Variants in CADM2 observed in about 807,000 individuals in gnomAD.
CADM2 encodes cell adhesion molecule 2.
CADM2 carries 12 observed loss-of-function variants against 49.8 expected under a neutral mutation model. The ratio of observed to expected loss-of-function variants is 0.24; its 90% CI spans 0.15 to 0.39. The LOEUF (loss-of-function observed/expected upper bound fraction) is 0.39, where lower values mean the gene tolerates loss of function less well. Among genes scored for constraint, CADM2 ranks in the 10% least tolerant of loss-of-function variants. CADM2 has a pLI of 1.00. For missense variants in CADM2, 378 were observed against 492.3 expected (o/e 0.77, Z 2.20); for synonymous variants, 214 against 175.4 (o/e 1.22, Z -1.74).
intron 2 of CADM2, among the ~76,000 whole-genome samples, chr3:85,732,968 T>C (rs2067994303): frequency 6.6e-6 from 1 of 152,210 alleles, no homozygotes; most frequent in Non-Finnish European, 1.5e-5. Flanking sequence ...CATTTACATA[T>C]ATACCACCCA....
chr3:85,999,976 G>C (rs572285367), intron 8 of CADM2, among the ~76,000 whole-genome samples: 2 of 152,278 alleles, frequency 1.3e-5, no homozygotes, highest in South Asian at 4.1e-4. Flanking sequence ...GGAGAAAAAA[G>C]AGATGTTGAA....
At chr3:86,007,025 G>T (rs1276525388) in intron 8 of CADM2, among the ~76,000 whole-genome samples, 1 of 152,160 alleles carries the variant, frequency 6.6e-6, no homozygotes, top group Non-Finnish European at 1.5e-5. Context: ...GGGTGACAGA[G>T]TGAGACTCCA....
At chr3:85,151,354 G>A (rs1454604201) in intron 1 of CADM2, among the ~76,000 whole-genome samples, 1 of 151,256 alleles carries the variant, frequency 6.6e-6, no homozygotes, top group African/African-American at 2.4e-5. Context: ...TTACTTACTT[G>A]AGATGGCCTT....
intron 1 of CADM2, among the ~76,000 whole-genome samples, chr3:85,116,252 G>A (rs577677642): frequency 6.6e-6 from 1 of 152,290 alleles, no homozygotes; most frequent in Admixed American, 6.5e-5. Context: ...TCTTAAACCG[G>A]GAGGCAGAGG....
intron 1 of CADM2, among the ~76,000 whole-genome samples, chr3:85,629,255 A>G (rs1404898005): frequency 6.6e-6 from 1 of 151,920 alleles, no homozygotes; most frequent in Admixed American, 6.6e-5. Flanking sequence ...CAGTGCTTAA[A>G]TTAGAAACAT....
At chr3:85,990,033 AAAAAAAAAAAAG>A (rs1156617435) in intron 8 of CADM2, among the ~76,000 whole-genome samples, 17 of 148,242 alleles carry the variant, frequency 1.1e-4, no homozygotes, top group African/African-American at 3.9e-4. Flanking sequence ...AAAAAAAAAA[AAAAAAAAAAAAG>A]AAGACTAATA....
intron 2 of CADM2, among the ~76,000 whole-genome samples, chr3:85,781,597 A>C (rs2107994806): frequency 6.6e-6 from 1 of 152,304 alleles, no homozygotes; most frequent in African/African-American, 2.4e-5. Flanking sequence ...TTAATTATAA[A>C]AATTAAATCA....
At chr3:85,893,678 T>C (rs1197083531) in intron 5 of CADM2, among the ~76,000 whole-genome samples, 2 of 151,820 alleles carry the variant, frequency 1.3e-5, no homozygotes, top group African/African-American at 2.4e-5. Flanking sequence ...CATCAAAAAG[T>C]GGGTGAAGGA....
intron 1 of CADM2, among the ~76,000 whole-genome samples, chr3:85,614,200 G>C (rs1398523964): frequency 6.6e-6 from 1 of 151,520 alleles, no homozygotes; most frequent in Non-Finnish European, 1.5e-5. Flanking sequence ...AAAAGTGTGT[G>C]TTTGATGATT....
At chr3:86,009,149 ATATATATATAGG>A (rs1384382633) in intron 8 of CADM2, among the ~76,000 whole-genome samples, 21 of 145,910 alleles carry the variant, frequency 1.4e-4, no homozygotes, top group South Asian at 4.2e-4. Context: ...ATATATAGAT[ATATATATATAGG>A]TATATATATA....
intron 1 of CADM2, among the ~76,000 whole-genome samples, chr3:85,236,372 A>C (rs1023975772): frequency 1.3e-5 from 2 of 152,072 alleles, no homozygotes; most frequent in African/African-American, 4.8e-5. Flanking sequence ...TCTAGCCATA[A>C]CTAGCAATAC....
In CADM2 at chr3:85,355,131, G is replaced by A. The variant is rs183677599; in HGVS notation, c.62-371391G>A. On this transcript the variant is annotated intron_variant, in intron 1 of 9. Coordinates refer to ENST00000383699, the MANE Select transcript of CADM2 (RefSeq NM_001167675.2). ...GATTTGGCCAAAACCAATCCAGGAC[G>A]GTGGTCAGTTTTTAGGAAGGAGGCA... Among the ~76,000 whole-genome samples, 393 of 152,164 alleles carry A rather than the reference G, an allele frequency of 2.6e-3. 1 individual carries two copies. Among genetic ancestry groups the A allele is most frequent in the Non-Finnish European group, 4.2e-3 (288 of 67,960 alleles).
intron 1 of CADM2, among the ~76,000 whole-genome samples, chr3:85,387,568 A>G (rs948737614): frequency 1.3e-5 from 2 of 152,210 alleles, no homozygotes; most frequent in African/African-American, 4.8e-5. Flanking sequence ...GAACTCTTGT[A>G]TAACTTTCTG....
intron 1 of CADM2, among the ~76,000 whole-genome samples, chr3:84,980,223 C>T (rs1274948037): frequency 6.6e-6 from 1 of 152,146 alleles, no homozygotes; most frequent in African/African-American, 2.4e-5. Flanking sequence ...CAGTTGCTTT[C>T]GAGTCTGCCA....
At chr3:86,016,692 C>G (rs1483405203) in intron 8 of CADM2, among the ~76,000 whole-genome samples, 1 of 152,110 alleles carries the variant, frequency 6.6e-6, no homozygotes, top group Non-Finnish European at 1.5e-5. Flanking sequence ...ATAATCTTAA[C>G]CTCCTGAATT....
chr3:85,282,709 G>A (rs1452775203), intron 1 of CADM2, among the ~76,000 whole-genome samples: 3 of 152,020 alleles, frequency 2.0e-5, no homozygotes, highest in African/African-American at 2.4e-5. Flanking sequence ...TCCTCAAAAT[G>A]AGAATATTTG....
At chr3:84,964,554 A>G (rs1251237216) in intron 1 of CADM2, among the ~76,000 whole-genome samples, 1 of 152,202 alleles carries the variant, frequency 6.6e-6, no homozygotes, top group African/African-American at 2.4e-5. Context: ...CCTATTCTGT[A>G]GCAGCTAGCT....
At position 85,229,063 on chromosome 3, in the gene CADM2, T is replaced by G. The variant is rs556491529; in HGVS notation, c.61+269395T>G. Among the ~76,000 whole-genome samples the G allele has an allele frequency of 5.3e-5, 8 of 152,286 alleles. No homozygotes were observed. In the South Asian group the frequency reaches 1.7e-3, roughly 32 times the overall value. On this transcript the variant is annotated intron_variant, in intron 1 of 9. Coordinates refer to ENST00000383699, the MANE Select transcript of CADM2 (RefSeq NM_001167675.2). ...GGCAGTTGGCCTTCCTGAGCTGTGG[T>G]GGGCTCTGCCCAGTTTGAACTTCCT...
chr3:85,875,034 A>G (rs1396349470), intron 3 of CADM2, among the ~76,000 whole-genome samples: 2 of 152,114 alleles, frequency 1.3e-5, no homozygotes, highest in African/African-American at 4.8e-5. Context: ...TTGCATTTCT[A>G]TTTTAAAACT....
Sources: allele counts gnomAD v4.1 joint callset (sites outside exome capture counted in the v4.1 genomes callset), GRCh38; gene constraint gnomAD v4.1.1; transcripts MANE v1.5; gene names NCBI Gene and HGNC (gene_info 2026-07-23, HGNC 2026-07-21).